DGLUCY: variants seen among roughly 807,000 people sequenced by gnomAD.
DGLUCY encodes the protein D-glutamate cyclase, mitochondrial.
DGLUCY carries 58 observed loss-of-function variants against 58.5 expected under a neutral mutation model. The observed-to-expected ratio is 0.99, with a 90% confidence interval of 0.80 to 1.23. The LOEUF is 1.23. Among genes scored for constraint, DGLUCY ranks in the 50% most tolerant of loss-of-function variants. The pLI, the probability that DGLUCY is intolerant of heterozygous loss-of-function variation, is 0.00. For missense variants in DGLUCY, 779 were observed against 784.7 expected, an observed-to-expected ratio of 0.99 and a Z score of 0.09; for synonymous variants, 325 against 314.1, an observed-to-expected ratio of 1.03 and a Z score of -0.37.
intron 1 of DGLUCY, among the ~76,000 whole-genome samples, chr14:91,118,154 C>T (rs1338510376): frequency 2.2e-5 from 3 of 139,464 alleles, no homozygotes; most frequent in Non-Finnish European, 4.5e-5. Context: ...GATCTTGGCT[C>T]ACTGCACCCT....
rs949261779 is a variant in DGLUCY at position 91,207,053 on chromosome 14, G to T, written c.1564+2228G>T. Among the ~76,000 whole-genome samples, 5 of 150,604 alleles carry T rather than the reference G, an allele frequency of 3.3e-5. No individual in the cohort carries two copies. The South Asian group carries it at 6.3e-4, about 19-fold the overall frequency. ...CATACCTATAGTCCTGGCTACGTGG[G>T]GGGGCTGAGGTGGGAGGAGAACTTG... On this transcript the variant is annotated intron_variant, in intron 12 of 13. Coordinates refer to ENST00000256324, the MANE Select transcript of DGLUCY (RefSeq NM_001102368.3).
intron 1 of DGLUCY, among the ~76,000 whole-genome samples, chr14:91,064,822 A>G (rs1401987308): frequency 6.6e-6 from 1 of 152,086 alleles, no homozygotes; most frequent in Non-Finnish European, 1.5e-5. Flanking sequence ...CAACTTGGGT[A>G]CCACTGATGA....
chr14:91,187,708 A>G lies in DGLUCY; in HGVS notation c.935-1202A>G, dbSNP rs918092232. ...CAGCAGGCACAGCTTGGTAGTGCAG[A>G]GGACTCAACGCCCTAATAGGCAGGT... On this transcript the variant is annotated intron_variant, in intron 8 of 13. Coordinates refer to ENST00000256324, the MANE Select transcript of DGLUCY (RefSeq NM_001102368.3). Among the ~76,000 whole-genome samples the G allele has an allele frequency of 7.9e-5, 12 of 152,174 alleles. 1 individual carries two copies. Among genetic ancestry groups the G allele is most frequent in the East Asian group, 3.9e-4 (2 of 5,180 alleles).
chr14:91,163,143 C>T (rs2048086365), intron 3 of DGLUCY, among the ~76,000 whole-genome samples: 1 of 151,864 alleles, frequency 6.6e-6, no homozygotes, highest in African/African-American at 2.4e-5. Flanking sequence ...GCCTCTAATC[C>T]CAGCTACTCG....
At chr14:91,209,897 AT>A (rs1885398584) in intron 12 of DGLUCY, among the ~76,000 whole-genome samples, 1 of 152,220 alleles carries the variant, frequency 6.6e-6, no homozygotes, top group Non-Finnish European at 1.5e-5. Context: ...AAGTAGCTAC[AT>A]TAATTTCAGA....
rs965321170 is a variant in DGLUCY at position 91,136,682 on chromosome 14, C to CA, written c.-81-20948dup. 1.1e-3 allele frequency among the ~76,000 whole-genome samples: 156 copies of CA among 141,916 alleles called. 1 individual carries two copies. In the East Asian group the frequency reaches 0.022, roughly 20 times the overall value. 93.1% of individuals were successfully genotyped at this position (141,916 alleles called of 152,430 possible). A position where few individuals can be genotyped will look rare whatever the true frequency, so the allele number is the denominator to read the frequency against. ...TGGGTGACAGAGCAAGACTCTGTCT[C>CA]AAAAAAAAAGGCACGGTGGCTCGCG... On this transcript the variant is annotated intron_variant, in intron 1 of 13. Coordinates refer to ENST00000256324, the MANE Select transcript of DGLUCY (RefSeq NM_001102368.3).
intron 7 of DGLUCY, among the ~76,000 whole-genome samples, chr14:91,178,586 G>T (rs752341235): frequency 6.6e-6 from 1 of 152,340 alleles, no homozygotes; most frequent in Non-Finnish European, 1.5e-5. Flanking sequence ...TGGTTTTGGA[G>T]TGACCAGTTT....
intron 1 of DGLUCY, among the ~76,000 whole-genome samples, chr14:91,134,436 A>G (rs551152436): frequency 8.9e-4 from 132 of 148,362 alleles, no homozygotes; most frequent in African/African-American, 3.2e-3. Context: ...TCAAAATTAC[A>G]TTTCTTTTTT....
At chr14:91,128,084 A>C (rs139302327) in intron 1 of DGLUCY, among the ~76,000 whole-genome samples, 1 of 152,106 alleles carries the variant, frequency 6.6e-6, no homozygotes, top group East Asian at 1.9e-4. Flanking sequence ...CCACCTCAAC[A>C]CAGCAAATTC....
intron 1 of DGLUCY, among the ~76,000 whole-genome samples, chr14:91,156,124 T>G (rs1039754997): frequency 6.6e-6 from 1 of 151,898 alleles, no homozygotes; most frequent in Non-Finnish European, 1.5e-5. Context: ...TTCTTTTTTT[T>G]TTTTTTTGAG....
intron 1 of DGLUCY, among the ~76,000 whole-genome samples, chr14:91,090,084 G>C (rs370316368): frequency 2.0e-5 from 3 of 152,292 alleles, no homozygotes; most frequent in African/African-American, 7.2e-5. Flanking sequence ...GACTGTGCAG[G>C]TATCTGGCTG....
At chr14:91,214,297 C>G (rs1156835355) in intron 12 of DGLUCY, among the ~76,000 whole-genome samples, 1 of 152,144 alleles carries the variant, frequency 6.6e-6, no homozygotes, top group Non-Finnish European at 1.5e-5. Context: ...GCACTTATTG[C>G]TTACCAGGCC....
chr14:91,147,304 T>C (rs752468803), intron 1 of DGLUCY, among the ~76,000 whole-genome samples: 1 of 152,152 alleles, frequency 6.6e-6, no homozygotes, highest in African/African-American at 2.4e-5. Flanking sequence ...TTCTGAACAT[T>C]TGGTAATCAG....
chr14:91,095,470 G>C (rs1023118669), intron 1 of DGLUCY, among the ~76,000 whole-genome samples: 7 of 152,218 alleles, frequency 4.6e-5, no homozygotes, highest in African/African-American at 1.7e-4. Context: ...AAGTGGCTAT[G>C]ACGTGCACTC....
intron 7 of DGLUCY, among the ~76,000 whole-genome samples, chr14:91,179,558 C>G (rs1195465818): frequency 1.3e-5 from 2 of 152,034 alleles, no homozygotes; most frequent in Non-Finnish European, 2.9e-5. Flanking sequence ...TCGAGCCAGC[C>G]TAGCCAACAT....
At chr14:91,135,808 T>A (rs575823637) in intron 1 of DGLUCY, among the ~76,000 whole-genome samples, 1 of 152,164 alleles carries the variant, frequency 6.6e-6, no homozygotes, top group Admixed American at 6.5e-5. Context: ...CTGCATTTAT[T>A]GAGATAGTAT....
intron 9 of DGLUCY, among the ~76,000 whole-genome samples, chr14:91,192,919 C>T (rs2049986252): frequency 6.6e-6 from 1 of 152,154 alleles, no homozygotes; most frequent in Non-Finnish European, 1.5e-5. Context: ...CTATTAGACA[C>T]ACAGTGGAGA....
intron 10 of DGLUCY, among the ~76,000 whole-genome samples, chr14:91,197,010 A>G (rs2050261065): frequency 6.6e-6 from 1 of 152,118 alleles, no homozygotes; most frequent in Non-Finnish European, 1.5e-5. Context: ...TCTGTTGCCT[A>G]GGCTGGGGTG....
At chr14:91,222,338 C>T (rs1233562029) in intron 13 of DGLUCY, among the ~76,000 whole-genome samples, 3 of 152,156 alleles carry the variant, frequency 2.0e-5, no homozygotes, top group African/African-American at 7.2e-5. Context: ...TTCCTGGGGC[C>T]CAGAAGGATG....
Sources: gnomAD v4.1 joint callset for allele counts (sites outside exome capture counted in the v4.1 genomes callset) on GRCh38, gnomAD v4.1.1 for gene constraint, MANE v1.5 for transcripts, NCBI Gene and HGNC (gene_info 2026-07-23, HGNC 2026-07-21) for gene names.